Variants in MPHOSPH9 observed in about 807,000 individuals in gnomAD.
MPHOSPH9 encodes M-phase phosphoprotein 9.
A neutral mutation model predicts 145.5 loss-of-function variants in MPHOSPH9; 88 were observed. The ratio of observed to expected loss-of-function variants is 0.60; its 90% CI spans 0.51 to 0.72. The LOEUF (loss-of-function observed/expected upper bound fraction) is 0.72, where lower values mean the gene tolerates loss of function less well. Ranked by LOEUF, MPHOSPH9 falls within the 30% of genes least tolerant of loss-of-function variation. MPHOSPH9 has a pLI of 0.00. For synonymous variants in MPHOSPH9, 435 were observed against 486.2 expected (o/e 0.89, Z 1.39); for missense variants, 1,238 against 1,386.6 (o/e 0.89, Z 1.70).
intron 13 of MPHOSPH9, among the ~76,000 whole-genome samples, chr12:123,186,452 T>C (rs1475137108): frequency 1.3e-5 from 2 of 152,134 alleles, no homozygotes; most frequent in Non-Finnish European, 2.9e-5. Flanking sequence ...TTTCATTGTA[T>C]CATTCTTACA....
chr12:123,154,773 A>G lies in MPHOSPH9; in HGVS notation c.*2034T>C, dbSNP rs1037114237. 10 of 152,190 alleles carry G rather than the reference A, an allele frequency of 6.6e-5. No homozygotes were observed. The highest frequency in any genetic ancestry group is 2.2e-4 in the African/African-American group (9 of 41,440). The allele number at this position is 152,190 out of a possible 1,614,324, so 9.4% of individuals were successfully genotyped here. A position where few individuals can be genotyped will look rare whatever the true frequency, so the allele number is the denominator to read the frequency against. On this transcript the variant is annotated 3_prime_UTR_variant, in exon 24 of 24. Coordinates refer to ENST00000606320, the MANE Select transcript of MPHOSPH9 (RefSeq NM_022782.4). Reference sequence around the variant, plus strand: ...GGTGGTCTTACTAGGTCTTGACACAAGCTGTACTGGAGCTTGATTAAAATG... The same window carrying G: ...GGTGGTCTTACTAGGTCTTGACACAGGCTGTACTGGAGCTTGATTAAAATG...
intron 13 of MPHOSPH9, among the ~76,000 whole-genome samples, chr12:123,182,582 A>G (rs140548313): frequency 3.8e-4 from 58 of 151,604 alleles, no homozygotes; most frequent in Middle Eastern, 3.4e-3. Flanking sequence ...AGTTCTACCT[A>G]GTAAAAGCAC....
rs2044333705 is a variant in MPHOSPH9 at position 123,166,654 on chromosome 12, C to T, written c.2591+1G>A. ...TAGAATCTTTAGCAAAGTTATCTCA[C>T]CCTAGGCTACAGGTTTCCTCCAGCT... On this transcript the variant is annotated splice_donor_variant, in intron 17 of 23. Coordinates refer to ENST00000606320, the MANE Select transcript of MPHOSPH9 (RefSeq NM_022782.4). LOFTEE classifies it high-confidence loss of function. 17 of 1,611,886 alleles carry T rather than the reference C, an allele frequency of 1.1e-5. No homozygotes were observed. The highest frequency in any genetic ancestry group is 1.3e-5 in the African/African-American group (1 of 74,794).
chr12:123,174,652 G>T (rs1199054846), intron 16 of MPHOSPH9, among the ~76,000 whole-genome samples: 4 of 152,090 alleles, frequency 2.6e-5, no homozygotes, highest in African/African-American at 4.8e-5. Flanking sequence ...GATTACAGGC[G>T]TGAGCCACCG....
Position 123,202,768 on chromosome 12 carries a change from T to G in MPHOSPH9, c.1637A>C (p.Asp546Ala). ...TTCATCTACAGTGTTGACCGAGATA[T>G]CATTACTAGTAATGGTATATACTGA... is the stretch of plus-strand genomic sequence containing the variant. Reference protein sequence around the residue: ...FPSVYTITSNDISVNTVDEEN... With the variant: ...FPSVYTITSNAISVNTVDEEN... The change falls in exon 10 of 24, where the codon GAT (aspartate) becomes GCT (alanine). Residue 546 changes from aspartate to alanine, a missense_variant. Around this residue, in one of 3 missense-constraint regions of MPHOSPH9, gnomAD observed 837 missense variants for 897.5 expected, o/e 0.93. Coordinates refer to ENST00000606320, the MANE Select transcript of MPHOSPH9 (RefSeq NM_022782.4). 1 of 1,614,060 alleles carries G rather than the reference T, an allele frequency of 6.2e-7. No individual in the cohort carries two copies. Among genetic ancestry groups the G allele is most frequent in the Non-Finnish European group, 8.5e-7 (1 of 1,179,924 alleles).
chr12:123,152,799 T>G, downstream of MPHOSPH9: 1 of 300,982 alleles, frequency 3.3e-6, no homozygotes, highest in Non-Finnish European at 6.7e-6. Flanking sequence ...CTGTCAACCA[T>G]ACATGGTCCC....
chr12:123,200,651 ATT>A (rs1373338003), intron 11 of MPHOSPH9, among the ~76,000 whole-genome samples: 8 of 134,188 alleles, frequency 6.0e-5, no homozygotes, highest in Non-Finnish European at 9.8e-5. Flanking sequence ...TCATCTTTGC[ATT>A]TTTTTTTTTT....
At chr12:123,227,688 A>G in intron 2 of MPHOSPH9, 72 bp from the exon 3 acceptor site, 1 of 1,314,266 alleles carries the variant, frequency 7.6e-7, no homozygotes, top group East Asian at 2.6e-5. Flanking sequence ...GCAGTTCAAG[A>G]TTTAGCAGAG....
At chr12:123,192,206 C>T (rs2045707868) in intron 13 of MPHOSPH9, among the ~76,000 whole-genome samples, 1 of 152,070 alleles carries the variant, frequency 6.6e-6, no homozygotes, top group Non-Finnish European at 1.5e-5. Flanking sequence ...GTAATCCCTG[C>T]ACTTTGAGAG....
intron 1 of MPHOSPH9, among the ~76,000 whole-genome samples, chr12:123,239,835 C>T (rs1257400450): frequency 6.6e-6 from 1 of 152,112 alleles, no homozygotes; most frequent in Non-Finnish European, 1.5e-5. Context: ...TCTCTGCTAG[C>T]TCAAATCAGT....
intron 16 of MPHOSPH9, among the ~76,000 whole-genome samples, chr12:123,173,000 C>T (rs1203959018): frequency 2.0e-5 from 3 of 149,778 alleles, no homozygotes; most frequent in East Asian, 4.0e-4. Context: ...CTCAGCCTCC[C>T]GAGTAGCTGG....
At chr12:123,165,015 CA>C (rs35219995) in intron 18 of MPHOSPH9, among the ~76,000 whole-genome samples, 7,523 of 83,006 alleles carry the variant, frequency 0.091, 170 homozygotes, top group East Asian at 0.27. Context: ...CTCACTGTCT[CA>C]AAAAAAAAAA....
At chr12:123,178,855 ATACTACCATT>A (rs1258807149) in intron 15 of MPHOSPH9, among the ~76,000 whole-genome samples, 1 of 152,220 alleles carries the variant, frequency 6.6e-6, no homozygotes, top group Non-Finnish European at 1.5e-5. Context: ...TTTGCAATGG[ATACTACCATT>A]TACGATTCTG....
At chr12:123,218,670 C>G (rs559617154) in intron 5 of MPHOSPH9, among the ~76,000 whole-genome samples, 171 bp from the exon 6 acceptor site, 1 of 151,956 alleles carries the variant, frequency 6.6e-6, no homozygotes, top group African/African-American at 2.4e-5. Context: ...GGATTACAGA[C>G]GCACTACCTC....
chr12:123,192,783 ACAC>A (rs1416554281), intron 13 of MPHOSPH9, among the ~76,000 whole-genome samples: 2 of 151,926 alleles, frequency 1.3e-5, no homozygotes, highest in African/African-American at 4.8e-5. Context: ...ATTATATATC[ACAC>A]CATTATTTTA....
At chr12:123,168,996 T>C (rs2044451525) in intron 16 of MPHOSPH9, among the ~76,000 whole-genome samples, 1 of 151,636 alleles carries the variant, frequency 6.6e-6, no homozygotes, top group Non-Finnish European at 1.5e-5. Context: ...ACCATTCTAC[T>C]GCTTCAGACT....
intron 13 of MPHOSPH9, among the ~76,000 whole-genome samples, chr12:123,192,322 C>T (rs961604099): frequency 2.6e-5 from 4 of 151,136 alleles, no homozygotes; most frequent in African/African-American, 9.7e-5. Flanking sequence ...AGTGTGGTGG[C>T]GTGCACCTGT....
chr12:123,185,126 T>C (rs2045384041), intron 13 of MPHOSPH9, among the ~76,000 whole-genome samples: 1 of 152,020 alleles, frequency 6.6e-6, no homozygotes, highest in South Asian at 2.1e-4. Flanking sequence ...AATGTGAGCC[T>C]GCAAAAGAAC....
intron 16 of MPHOSPH9, among the ~76,000 whole-genome samples, chr12:123,170,963 T>A (rs2044551621): frequency 6.6e-6 from 1 of 152,276 alleles, no homozygotes; most frequent in African/African-American, 2.4e-5. Flanking sequence ...GAATTGTATC[T>A]TATTGTTTTA....
Sources: gnomAD v4.1 joint callset for allele counts (sites outside exome capture counted in the v4.1 genomes callset) on GRCh38, gnomAD v4.1.1 for gene constraint, gnomAD v4.1.1 regional missense constraint, MANE v1.5 for transcripts, NCBI Gene and HGNC (gene_info 2026-07-23, HGNC 2026-07-21) for gene names.